GOLGA3: variants seen among roughly 807,000 people sequenced by gnomAD.
GOLGA3 encodes the protein golgin A3, also known as golgin subfamily A member 3.
In GOLGA3, 75 loss-of-function variants were observed where a neutral mutation model predicts 169.4. The observed-to-expected ratio is 0.44, with a 90% CI of 0.37 to 0.54. The LOEUF is 0.54. Among genes scored for constraint, GOLGA3 ranks in the 20% least tolerant of loss-of-function variants. The pLI, the probability that GOLGA3 is intolerant of heterozygous loss-of-function variation, is 0.00. For missense variants in GOLGA3, 1,899 were observed against 1,930.0 expected (o/e 0.98, Z 0.30); for synonymous variants, 824 against 822.4 (o/e 1.00, Z -0.03).
intron 2 of GOLGA3, among the ~76,000 whole-genome samples, chr12:132,818,804 C>T (rs967275633): frequency 2.6e-5 from 4 of 152,044 alleles, no homozygotes; most frequent in Non-Finnish European, 4.4e-5. Flanking sequence ...TCACACCACC[C>T]GTGAAGCAGA....
Position 132,808,158 on chromosome 12 carries a change from C to G in GOLGA3, c.911G>C (p.Gly304Ala). Residue 304 changes from glycine to alanine, a missense_variant, in exon 5 of 24, where the codon GGA (glycine) becomes GCA (alanine). Physicochemically the swap from Gly to Ala is moderately conservative, Grantham distance 60. Transcript: ENST00000450791. ...DDRLENTSLA[G>A]DSVSEVDGND... ...TCCATCCACCTCAGACACGCTGTCTCCAGCCAGGGAGGTGTTCTCCAGACG... is the reference window on the plus strand; with the variant it reads ...TCCATCCACCTCAGACACGCTGTCTGCAGCCAGGGAGGTGTTCTCCAGACG... 1 of 1,612,518 alleles carries G rather than the reference C, an allele frequency of 6.2e-7. No individual in the cohort carries two copies. Among genetic ancestry groups the G allele is most frequent in the Non-Finnish European group, 8.5e-7 (1 of 1,178,876 alleles).
chr12:132,802,695 C>T lies in GOLGA3; in HGVS notation c.1598-726G>A, dbSNP rs141350496. Among the ~76,000 whole-genome samples, 733 of 151,942 alleles carry T rather than the reference C, an allele frequency of 4.8e-3. 3 individuals are homozygous for T. Among genetic ancestry groups the T allele is most frequent in the African/African-American group, 0.017 (692 of 41,492 alleles). ...AACAGGATGAATTGAAAAAAATAAACCAAAAGAAAAAAATGAAGTACATCT... is the reference window on the plus strand; with the variant it reads ...AACAGGATGAATTGAAAAAAATAAATCAAAAGAAAAAAATGAAGTACATCT... On this transcript the variant is annotated intron_variant, in intron 7 of 23. Coordinates refer to ENST00000450791, the MANE Select transcript of GOLGA3 (RefSeq NM_001389683.1).
chr12:132,820,876 G>A (rs1018559590), intron 2 of GOLGA3, among the ~76,000 whole-genome samples: 4 of 152,054 alleles, frequency 2.6e-5, no homozygotes, highest in Admixed American at 1.3e-4. Context: ...GAGGTGGGTG[G>A]ATCATTTGAG....
intron 16 of GOLGA3, chr12:132,783,860 G>A: frequency 7.1e-7 from 1 of 1,414,148 alleles, no homozygotes; most frequent in Non-Finnish European, 9.2e-7. Flanking sequence ...ACAGGCATGA[G>A]CCACTCGCCT....
intron 16 of GOLGA3, among the ~76,000 whole-genome samples, 174 bp from the exon 17 acceptor site, chr12:132,782,667 AG>A (rs2045670527): frequency 6.6e-6 from 1 of 152,194 alleles, no homozygotes; most frequent in Non-Finnish European, 1.5e-5. Context: ...ACCTGAGGTC[AG>A]GAGTTTGAGA....
At chr12:132,825,226 G>A (rs893752620) in intron 1 of GOLGA3, among the ~76,000 whole-genome samples, 4 of 151,868 alleles carry the variant, frequency 2.6e-5, no homozygotes, top group African/African-American at 9.7e-5. Flanking sequence ...TGGCCCCTCA[G>A]GTAAAGGAAC....
Position 132,808,318 on chromosome 12 carries a change from T to C in GOLGA3, c.751A>G (p.Thr251Ala). 1.9e-6 allele frequency: 3 copies of C among 1,614,152 alleles called. No homozygotes were observed. The highest frequency in any genetic ancestry group is 2.5e-6 in the Non-Finnish European group (3 of 1,180,030). The change falls in exon 5 of 24, where the codon ACT becomes GCT. Residue 251 changes from threonine (T) to alanine (A), a missense_variant. Physicochemically the swap from Thr to Ala is moderately conservative, Grantham distance 58. Coordinates refer to ENST00000450791, the MANE Select transcript of GOLGA3 (RefSeq NM_001389683.1). ...SKIRSLADYRTEDSNAGNSGG... is the reference protein window; with the variant it reads ...SKIRSLADYRAEDSNAGNSGG... ...GAATTCCCCGCATTTGAATCTTCAGTTCTGTAATCGGCCAGAGACCGGATT... is the reference window on the plus strand; with the variant it reads ...GAATTCCCCGCATTTGAATCTTCAGCTCTGTAATCGGCCAGAGACCGGATT...
Position 132,776,041 on chromosome 12 carries a change from C to G in GOLGA3, c.3978+593G>C, listed in dbSNP as rs569853807. On this transcript the variant is annotated intron_variant, in intron 21 of 23. Coordinates refer to ENST00000450791, the MANE Select transcript of GOLGA3 (RefSeq NM_001389683.1). ...ACCAGGTGGCTTTGCGAGCGCCCCA[C>G]TGGACGAGGGCGCCAGCTCCCCGGG... is the stretch of plus-strand genomic sequence containing the variant. 3.3e-5 allele frequency among the ~76,000 whole-genome samples: 5 copies of G among 152,382 alleles called. No homozygotes were observed. The East Asian group carries it at 9.6e-4, about 29-fold the overall frequency.
In GOLGA3 at chr12:132,777,612, C is replaced by A; in HGVS notation, c.3722+54G>T. The A allele has an allele frequency of 6.2e-7, 1 of 1,600,542 alleles. No homozygotes were observed. Among genetic ancestry groups the A allele is most frequent in the Admixed American group, 1.7e-5 (1 of 59,298 alleles). ...CTGTGCTGAAGGTGTGAATTAGACC[C>A]CGCCCATTGCCAGGACAGCCATGTT... is the stretch of plus-strand genomic sequence containing the variant. On this transcript the variant is annotated intron_variant, in intron 19 of 23. Transcript: ENST00000450791. This position sits in a 1 kb window ranked among gnomAD's most constrained non-coding sequence, Gnocchi z 4.7.
chr12:132,778,345 C>T (rs574277468), intron 18 of GOLGA3, among the ~76,000 whole-genome samples: 1 of 152,090 alleles, frequency 6.6e-6, no homozygotes, highest in Admixed American at 6.5e-5. Flanking sequence ...GAGGCCGAGG[C>T]GGGTGGATCA....
rs958405461 is a variant in GOLGA3 at position 132,772,878 on chromosome 12, A to G, written c.*227T>C. On this transcript the variant is annotated 3_prime_UTR_variant, in exon 24 of 24. Transcript: ENST00000450791. Reference sequence around the variant, plus strand: ...GACACGTTCAAAGCTCCTCGCCGAGAGCCTATCAGGCTTTTAAGAGTTGGT... The same window carrying G: ...GACACGTTCAAAGCTCCTCGCCGAGGGCCTATCAGGCTTTTAAGAGTTGGT... 2.8e-4 allele frequency: 134 copies of G among 470,758 alleles called. No homozygotes were observed. The highest frequency in any genetic ancestry group is 3.6e-4 in the Non-Finnish European group (96 of 263,560). The allele number at this position is 470,758 out of a possible 1,614,324, so 29.2% of individuals were successfully genotyped here. A position where few individuals can be genotyped will look rare whatever the true frequency, so the allele number is the denominator to read the frequency against.
chr12:132,787,591 AAC>A (rs2136366780), intron 13 of GOLGA3, among the ~76,000 whole-genome samples: 1 of 112,488 alleles, frequency 8.9e-6, no homozygotes, highest in African/African-American at 3.3e-5. Context: ...CCCTCCCCAG[AAC>A]CCCTGGGACC....
chr12:132,826,378 G>C (rs758926771), intron 1 of GOLGA3, among the ~76,000 whole-genome samples: 3 of 149,846 alleles, frequency 2.0e-5, no homozygotes, highest in Non-Finnish European at 4.5e-5. Context: ...ATGCAGAGGA[G>C]AACTGCTGCA....
intron 3 of GOLGA3, among the ~76,000 whole-genome samples, chr12:132,814,189 G>A (rs965477146): frequency 6.6e-6 from 1 of 151,148 alleles, no homozygotes; most frequent in African/African-American, 2.4e-5. Context: ...GACCCCTGAC[G>A]ACTTTGGTAT....
At chr12:132,784,956 G>C (rs541433714) in intron 15 of GOLGA3, among the ~76,000 whole-genome samples, 3 of 152,122 alleles carry the variant, frequency 2.0e-5, no homozygotes, top group Non-Finnish European at 2.9e-5. Context: ...CTCACACCCC[G>C]CCCACTTGCT....
intron 10 of GOLGA3, 83 bp downstream of exon 10, chr12:132,796,456 C>T: frequency 1.4e-6 from 2 of 1,460,706 alleles, no homozygotes; most frequent in South Asian, 1.3e-5. Flanking sequence ...CAGCAGAGGA[C>T]TGCTCGGTCT....
In GOLGA3 at chr12:132,796,164, G is replaced by A; in HGVS notation, c.2157C>T (p.His719=). The A allele has an allele frequency of 6.2e-7, 1 of 1,606,748 alleles. No homozygotes were observed. The highest frequency in any genetic ancestry group is 8.5e-7 in the Non-Finnish European group (1 of 1,175,218). The part of the protein sequence containing the change: ...DQQLEALQQE[H]LDLMKQLTLT... Reference sequence around the variant, plus strand: ...AGGTGAGCTGTTTCATCAGGTCCAGGTGCTCCTGCTGCAAAGCCTCAAGCT... The same window carrying A: ...AGGTGAGCTGTTTCATCAGGTCCAGATGCTCCTGCTGCAAAGCCTCAAGCT... Residue 719 remains histidine, a synonymous_variant, in exon 11 of 24, where the codon CAC becomes CAT. Transcript: ENST00000450791.
chr12:132,795,094 G>A (rs1357214310), intron 11 of GOLGA3, among the ~76,000 whole-genome samples: 1 of 151,812 alleles, frequency 6.6e-6, no homozygotes, highest in Non-Finnish European at 1.5e-5. Flanking sequence ...GACTGAGGCA[G>A]GAGAATCACT....
intron 1 of GOLGA3, among the ~76,000 whole-genome samples, chr12:132,823,731 G>A (rs1307310833): frequency 6.6e-6 from 1 of 151,200 alleles, no homozygotes; most frequent in African/African-American, 2.4e-5. Flanking sequence ...AGGTTGCACT[G>A]AACCAAGACC....
Sources: allele counts gnomAD v4.1 joint callset (sites outside exome capture counted in the v4.1 genomes callset), GRCh38; gene constraint gnomAD v4.1.1; non-coding constraint Gnocchi (gnomAD v3.1); transcripts MANE v1.5; gene names NCBI Gene and HGNC (gene_info 2026-07-23, HGNC 2026-07-21).